Variants in MALRD1 observed in about 807,000 individuals in gnomAD.
MALRD1 encodes the protein MAM and LDL receptor class A domain containing 1.
Under a neutral mutation model 242.1 loss-of-function variants are expected in MALRD1, and 247 were observed. The ratio of observed to expected loss-of-function variants is 1.02; its 90% CI spans 0.92 to 1.13. The LOEUF (loss-of-function observed/expected upper bound fraction) is 1.13, where lower values mean the gene tolerates loss of function less well. Among genes scored for constraint, MALRD1 ranks in the 50% most tolerant of loss-of-function variants. MALRD1 has a pLI of 0.00. For synonymous variants in MALRD1, 995 were observed against 866.6 expected (o/e 1.15, Z -2.60); for missense variants, 2,989 against 2,533.1 (o/e 1.18, Z -3.86).
rs1161121510 is a variant in MALRD1 at position 19,692,532 on chromosome 10, G to C, written c.6292G>C (p.Ala2098Pro). ...HITVAVLCFL[A>P]NRKVPIRKTE... The stretch of plus-strand genomic sequence containing the variant: ...CACAGTTGCAGTCTTGTGTTTTCTT[G>C]CAAACAGAAAGGTACCAATAAGGTA... Residue 2098 changes from alanine (A) to proline (P), a missense_variant, in exon 38 of 40, where the codon GCA becomes CCA. By Grantham distance (27) the Ala-to-Pro change is conservative. Coordinates refer to ENST00000454679, the MANE Select transcript of MALRD1 (RefSeq NM_001142308.3). The C allele has an allele frequency of 6.5e-7, 1 of 1,535,286 alleles. No homozygotes were observed. Among genetic ancestry groups the C allele is most frequent in the Non-Finnish European group, 8.7e-7 (1 of 1,146,338 alleles).
At chr10:19,225,035 C>A (rs994292176) in intron 18 of MALRD1, among the ~76,000 whole-genome samples, 2 of 152,102 alleles carry the variant, frequency 1.3e-5, no homozygotes, top group Non-Finnish European at 2.9e-5. Flanking sequence ...GGAAGGGGTC[C>A]AGTTTCAGCT....
intron 21 of MALRD1, among the ~76,000 whole-genome samples, chr10:19,315,516 T>TATATAAAA (rs1426468105): frequency 7.5e-5 from 2 of 26,752 alleles, no homozygotes; most frequent in East Asian, 1.6e-3. Context: ...TTTATATAAA[T>TATATAAAA]ATATAACTAT....
At chr10:19,337,286 G>T (rs1843656546) in intron 24 of MALRD1, among the ~76,000 whole-genome samples, 2 of 152,094 alleles carry the variant, frequency 1.3e-5, no homozygotes, top group Admixed American at 1.3e-4. Context: ...ATGAGAAAAA[G>T]ATAAAACATA....
chr10:19,645,939 TAAAC>T (rs1434659212), intron 36 of MALRD1, among the ~76,000 whole-genome samples: 1 of 152,200 alleles, frequency 6.6e-6, no homozygotes, highest in Non-Finnish European at 1.5e-5. Context: ...AATAGTAAAT[TAAAC>T]AACAACTTGT....
chr10:19,648,044 A>G (rs2131697316), intron 36 of MALRD1, among the ~76,000 whole-genome samples: 1 of 152,292 alleles, frequency 6.6e-6, no homozygotes. Flanking sequence ...GAATTTGCAA[A>G]GCAGGACTCA....
At chr10:19,189,046 G>A (rs1028576400) in intron 14 of MALRD1, among the ~76,000 whole-genome samples, 1 of 152,192 alleles carries the variant, frequency 6.6e-6, no homozygotes, top group Non-Finnish European at 1.5e-5. Context: ...GAGAGAGAAA[G>A]GGAGAGAGAC....
chr10:19,111,950 C>T (rs1423723813), intron 5 of MALRD1, among the ~76,000 whole-genome samples: 2 of 152,040 alleles, frequency 1.3e-5, no homozygotes, highest in African/African-American at 4.8e-5. Flanking sequence ...TTGTAAATGG[C>T]AGAAATGTGA....
chr10:19,163,481 A>G (rs1357098907), intron 12 of MALRD1, among the ~76,000 whole-genome samples: 1 of 142,860 alleles, frequency 7.0e-6, no homozygotes, highest in African/African-American at 2.5e-5. Context: ...GAAGGAAACA[A>G]CAGACACGGG....
chr10:19,382,132 A>G (rs929613500), intron 26 of MALRD1, among the ~76,000 whole-genome samples: 3 of 152,170 alleles, frequency 2.0e-5, no homozygotes, highest in Admixed American at 6.6e-5. Context: ...TTTAACAATT[A>G]AGGATTGTTT....
chr10:19,162,902 G>A (rs1457962865), intron 12 of MALRD1, among the ~76,000 whole-genome samples: 11 of 151,834 alleles, frequency 7.2e-5, no homozygotes, highest in Admixed American at 6.6e-5. Context: ...GCAGCTGAGG[G>A]TGGGTGGAGT....
chr10:19,587,765 T>C (rs1014643091), intron 33 of MALRD1, among the ~76,000 whole-genome samples: 11 of 152,024 alleles, frequency 7.2e-5, no homozygotes, highest in African/African-American at 2.2e-4. Context: ...TCTTGGTTAC[T>C]GGGAATGTCG....
chr10:19,389,976 G>A (rs1217834876), intron 28 of MALRD1, among the ~76,000 whole-genome samples: 2 of 152,074 alleles, frequency 1.3e-5, no homozygotes, highest in Non-Finnish European at 2.9e-5. Flanking sequence ...TCTATAGGTG[G>A]CATGTGGCCT....
intron 32 of MALRD1, among the ~76,000 whole-genome samples, chr10:19,548,851 C>G (rs182675628): frequency 6.6e-6 from 1 of 152,222 alleles, no homozygotes; most frequent in East Asian, 1.9e-4. Flanking sequence ...TACTTTAAAT[C>G]AAAAGCTAGA....
rs77267978 is a variant in MALRD1, at chr10:19,513,766, A to G, written c.5320+15120A>G. Among the ~76,000 whole-genome samples, 314 of 152,050 alleles carry G rather than the reference A, an allele frequency of 2.1e-3. 6 individuals are homozygous for G. In the East Asian group the frequency reaches 0.039, roughly 19 times the overall value. ...AAGAAAAGAAAAAAAAAATTATCCA[A>G]CCTAAGGTACTCCTTTATAGCAATG... On this transcript the variant is annotated intron_variant, in intron 31 of 39. Transcript: ENST00000454679.
intron 29 of MALRD1, among the ~76,000 whole-genome samples, chr10:19,481,769 G>A (rs1837003914): frequency 1.3e-5 from 2 of 151,970 alleles, no homozygotes; most frequent in Non-Finnish European, 2.9e-5. Context: ...ATTCTACTTG[G>A]TTAAATGACC....
At chr10:19,715,095 G>A (rs1224001723) in intron 38 of MALRD1, among the ~76,000 whole-genome samples, 4 of 151,914 alleles carry the variant, frequency 2.6e-5, no homozygotes, top group Admixed American at 2.6e-4. Context: ...GAAATTTATT[G>A]CTCCTTATTT....
chr10:19,572,847 G>A (rs7086425), intron 33 of MALRD1, among the ~76,000 whole-genome samples: 6,170 of 152,152 alleles, frequency 0.041, 388 homozygotes, highest in African/African-American at 0.13. Flanking sequence ...CTAAAAAGAA[G>A]CTAAGAGAAA....
Position 19,186,612 on chromosome 10 carries a change from T to C in MALRD1, c.1951+11284T>C, listed in dbSNP as rs139601853. Among the ~76,000 whole-genome samples, 284 of 152,328 alleles carry C rather than the reference T, an allele frequency of 1.9e-3. 2 individuals carry two copies. Among genetic ancestry groups the C allele is most frequent in the African/African-American group, 6.5e-3 (272 of 41,578 alleles). On this transcript the variant is annotated intron_variant, in intron 14 of 39. Transcript: ENST00000454679. ...ACAAGAAAGCCTTTTTCTATAATTA[T>C]TTAAGATTAAGTTTCAATACATTAG... is the stretch of plus-strand genomic sequence containing the variant.
At chr10:19,398,752 G>T (rs1226013021) in intron 28 of MALRD1, among the ~76,000 whole-genome samples, 1 of 152,198 alleles carries the variant, frequency 6.6e-6, no homozygotes, top group Non-Finnish European at 1.5e-5. Flanking sequence ...TATTTATTAA[G>T]AAATATTAGT....
Sources: gnomAD v4.1 joint callset for allele counts (sites outside exome capture counted in the v4.1 genomes callset) on GRCh38, gnomAD v4.1.1 for gene constraint, MANE v1.5 for transcripts, NCBI Gene and HGNC (gene_info 2026-07-23, HGNC 2026-07-21) for gene names.